Variants in PHF24 observed in about 807,000 individuals in gnomAD.
The protein encoded by PHF24 is Galpha inhibitory interacting protein.
A neutral mutation model predicts 42.6 loss-of-function variants in PHF24; 25 were observed. The ratio of observed to expected loss-of-function variants is 0.59; its 90% CI spans 0.43 to 0.82. The LOEUF is 0.82. Among genes scored for constraint, PHF24 ranks in the 40% least tolerant of loss-of-function variants. The pLI is 0.00. For missense variants in PHF24, 470 were observed against 538.1 expected (o/e 0.87, Z 1.25); for synonymous variants, 185 against 204.8 (o/e 0.90, Z 0.83).
At chr9:34,907,187 T>C in the PHF24 span, among the ~76,000 whole-genome samples, 1 of 152,198 alleles carries the variant, frequency 6.6e-6, no homozygotes, top group South Asian at 2.1e-4. Context: ...ACTTTATCTG[T>C]GTAGGACAAC....
the PHF24 span, among the ~76,000 whole-genome samples, chr9:34,687,848 C>T: frequency 6.6e-6 from 1 of 152,346 alleles, no homozygotes; most frequent in South Asian, 2.1e-4. Context: ...CCTAGAACGC[C>T]ATGGCTGGCT....
At chr9:34,889,714 G>A in the PHF24 span, 1 of 397,730 alleles carries the variant, frequency 2.5e-6, no homozygotes, top group Non-Finnish European at 4.4e-6. Context: ...GTGTGGCCCT[G>A]CAAATTTTGA....
the PHF24 span, among the ~76,000 whole-genome samples, chr9:34,670,639 A>G: frequency 6.6e-6 from 1 of 152,092 alleles, no homozygotes; most frequent in African/African-American, 2.4e-5. Flanking sequence ...CACTATTACC[A>G]TTAGGGGAAG....
the PHF24 span, among the ~76,000 whole-genome samples, chr9:34,790,871 T>A: frequency 6.6e-6 from 1 of 152,142 alleles, no homozygotes; most frequent in Non-Finnish European, 1.5e-5. Context: ...CTATAGCAAT[T>A]GCAAAGGTGC....
chr9:34,838,368 A>G, the PHF24 span: 10 of 934,738 alleles, frequency 1.1e-5, no homozygotes, highest in Admixed American at 2.0e-5. Flanking sequence ...AGCTCCTTTC[A>G]ACTTCCAAGT....
chr9:34,973,375 A>T (rs1184975423), intron 3 of PHF24, among the ~76,000 whole-genome samples: 1 of 152,202 alleles, frequency 6.6e-6, no homozygotes, highest in African/African-American at 2.4e-5. Flanking sequence ...AGTGGTTATT[A>T]TGTGAATTAA....
At chr9:34,840,197 G>C in the PHF24 span, among the ~76,000 whole-genome samples, 13 of 152,064 alleles carry the variant, frequency 8.5e-5, no homozygotes, top group African/African-American at 3.1e-4. Context: ...CATATAAATG[G>C]TATAAACTTC....
At chr9:34,957,128 C>T (rs1826393147), upstream of PHF24, among the ~76,000 whole-genome samples, 1 of 152,164 alleles carries the variant, frequency 6.6e-6, no homozygotes, top group African/African-American at 2.4e-5. Context: ...CCTGGCACTT[C>T]GTGTTTTAAA....
chr9:34,733,740 C>A, the PHF24 span, among the ~76,000 whole-genome samples: 2 of 152,150 alleles, frequency 1.3e-5, no homozygotes, highest in African/African-American at 4.8e-5. Context: ...TAGTCTCATG[C>A]AATCCTCCTG....
the PHF24 span, among the ~76,000 whole-genome samples, chr9:34,820,585 G>A: frequency 4.6e-5 from 7 of 152,166 alleles, no homozygotes; most frequent in East Asian, 1.9e-4. Flanking sequence ...TTATGGCTGC[G>A]TAGTATTCCA....
At chr9:34,942,863 G>A in the PHF24 span, among the ~76,000 whole-genome samples, 16 of 137,408 alleles carry the variant, frequency 1.2e-4, no homozygotes, top group Non-Finnish European at 2.5e-4. Context: ...ATGGGGGGCA[G>A]GGGGGAGGCA....
At chr9:34,946,652 T>C in the PHF24 span, among the ~76,000 whole-genome samples, 1 of 152,186 alleles carries the variant, frequency 6.6e-6, no homozygotes, top group African/African-American at 2.4e-5. Flanking sequence ...ATTTTTATGA[T>C]AATGATGATG....
chr9:34,708,535 AT>A, the PHF24 span, among the ~76,000 whole-genome samples: 1 of 152,192 alleles, frequency 6.6e-6, no homozygotes, highest in Non-Finnish European at 1.5e-5. Flanking sequence ...GCAGGTTTCA[AT>A]ATAACTTGTG....
At chr9:34,843,485 A>C in the PHF24 span, among the ~76,000 whole-genome samples, 1 of 152,160 alleles carries the variant, frequency 6.6e-6, no homozygotes, top group Non-Finnish European at 1.5e-5. Flanking sequence ...CATTATCTTG[A>C]TTACTGTAGT....
At chr9:34,799,781 C>A in the PHF24 span, among the ~76,000 whole-genome samples, 9 of 152,226 alleles carry the variant, frequency 5.9e-5, no homozygotes, top group Middle Eastern at 3.4e-3. Flanking sequence ...GTCACTATAT[C>A]ATATATAATG....
the PHF24 span, among the ~76,000 whole-genome samples, chr9:34,769,556 A>G: frequency 6.6e-6 from 1 of 152,224 alleles, no homozygotes; most frequent in Admixed American, 6.5e-5. Flanking sequence ...AGGGGGCCCA[A>G]TTAGACAAGC....
chr9:34,820,172 T>G, the PHF24 span, among the ~76,000 whole-genome samples: 1 of 150,196 alleles, frequency 6.7e-6, no homozygotes, highest in Non-Finnish European at 1.5e-5. Context: ...ATTATATATA[T>G]CCACACATAA....
At chr9:34,916,246 T>C in the PHF24 span, among the ~76,000 whole-genome samples, 3 of 152,236 alleles carry the variant, frequency 2.0e-5, no homozygotes, top group South Asian at 2.1e-4. Flanking sequence ...GAATATGTAG[T>C]GTCTATTTGA....
chr9:34,809,735 C>G, the PHF24 span, among the ~76,000 whole-genome samples: 2 of 152,182 alleles, frequency 1.3e-5, no homozygotes, highest in African/African-American at 2.4e-5. The surrounding 1 kb of genome is among the most constrained non-coding windows in gnomAD (Gnocchi z 4.1). Context: ...CCTGCGCCCC[C>G]TCCGGGCGGA....
Sources: allele counts gnomAD v4.1 joint callset (sites outside exome capture counted in the v4.1 genomes callset), GRCh38; gene constraint gnomAD v4.1.1; non-coding constraint Gnocchi (gnomAD v3.1); transcripts MANE v1.5; gene names NCBI Gene and HGNC (gene_info 2026-07-23, HGNC 2026-07-21).